Variants in PIK3C2G observed in about 807,000 individuals in gnomAD.
PIK3C2G encodes the protein phosphatidylinositol-4-phosphate 3-kinase catalytic subunit type 2 gamma.
In PIK3C2G, 168 loss-of-function variants were observed where a neutral mutation model predicts 181.1. That is an observed-to-expected ratio of 0.93 (90% CI 0.82 to 1.05). The LOEUF is 1.05. PIK3C2G is among the 50% of genes least tolerant of loss of function. The probability of loss-of-function intolerance (pLI) is 0.00; values close to 1 mark genes in which losing one functional copy is unlikely to be tolerated. For synonymous variants in PIK3C2G, 573 were observed against 592.2 expected (o/e 0.97, Z 0.47); for missense variants, 1,869 against 1,732.8 (o/e 1.08, Z -1.40).
chr12:18,434,000 G>A (rs1946308344), intron 18 of PIK3C2G, among the ~76,000 whole-genome samples: 1 of 152,088 alleles, frequency 6.6e-6, no homozygotes, highest in Non-Finnish European at 1.5e-5. Flanking sequence ...TCATCCATTG[G>A]TGCTGCAGTA....
chr12:18,661,855 G>A, the PIK3C2G span, among the ~76,000 whole-genome samples: 2 of 151,972 alleles, frequency 1.3e-5, no homozygotes, highest in African/African-American at 2.4e-5. Context: ...AAGACAATAG[G>A]AATCAACCTA....
At chr12:18,713,779 A>G in the PIK3C2G span, 2 of 152,206 alleles carry the variant, frequency 1.3e-5, no homozygotes, top group African/African-American at 2.4e-5. Context: ...TGAGGAAACT[A>G]TATTTCTGCT....
chr12:18,595,563 T>G (rs541800109), intron 30 of PIK3C2G, among the ~76,000 whole-genome samples: 4 of 152,134 alleles, frequency 2.6e-5, no homozygotes, highest in Non-Finnish European at 5.9e-5. Flanking sequence ...TAAACATGCC[T>G]TGGGAGAACA....
rs554254330 is a variant in PIK3C2G at position 18,358,233 on chromosome 12, A to G, written c.1626-4531A>G. ...TAACTTTAGGCTGAGTTTATTTACC[A>G]AACTAACATTTGCCAGTTCTGCTTA... On this transcript the variant is annotated intron_variant, in intron 11 of 32. Transcript: ENST00000538779. Among the ~76,000 whole-genome samples the G allele has an allele frequency of 2.1e-4, 32 of 152,348 alleles. No homozygotes were observed. The Middle Eastern group carries it at 0.01, about 49-fold the overall frequency.
chr12:18,325,000 A>G, intron 7 of PIK3C2G, 35 bp from the exon 8 acceptor site: 1 of 1,149,486 alleles, frequency 8.7e-7, no homozygotes, highest in South Asian at 1.4e-5. Flanking sequence ...TTTCCCACCC[A>G]ATTTTAAACA....
the PIK3C2G span, chr12:18,705,430 C>T: frequency 7.7e-7 from 1 of 1,291,644 alleles, no homozygotes; most frequent in Non-Finnish European, 1.1e-6. Flanking sequence ...AGTACCTTTG[C>T]AAAATAACTA....
At chr12:18,504,154 A>T (rs1941680032) in intron 23 of PIK3C2G, among the ~76,000 whole-genome samples, 1 of 152,166 alleles carries the variant, frequency 6.6e-6, no homozygotes, top group South Asian at 2.1e-4. Flanking sequence ...AAACCTGGGT[A>T]AACTGGGATG....
At chr12:18,481,686 C>T (rs895198230) in intron 18 of PIK3C2G, among the ~76,000 whole-genome samples, 2 of 151,930 alleles carry the variant, frequency 1.3e-5, no homozygotes, top group African/African-American at 4.8e-5. Flanking sequence ...CATGCTCATC[C>T]ACAAATGAAA....
chr12:18,492,064 A>G (rs1451695604), intron 20 of PIK3C2G, among the ~76,000 whole-genome samples: 1 of 152,198 alleles, frequency 6.6e-6, no homozygotes, highest in African/African-American at 2.4e-5. Context: ...CCATCTTGGC[A>G]TTGTCAGACT....
chr12:18,498,261 T>C (rs1941171841), intron 22 of PIK3C2G, among the ~76,000 whole-genome samples: 2 of 152,324 alleles, frequency 1.3e-5, no homozygotes, highest in South Asian at 2.1e-4. Context: ...TCAGCATTTC[T>C]TTTCCTTTAT....
the PIK3C2G span, chr12:18,705,082 A>G: frequency 6.6e-7 from 1 of 1,515,698 alleles, no homozygotes; most frequent in African/African-American, 1.4e-5. Flanking sequence ...ATTGGTCTCT[A>G]GCCCAGTTTC....
chr12:18,622,161 A>G (rs1033090319), intron 31 of PIK3C2G, among the ~76,000 whole-genome samples: 3 of 151,830 alleles, frequency 2.0e-5, no homozygotes, highest in Non-Finnish European at 3.0e-5. Flanking sequence ...AAAAATACCC[A>G]TATTTCTCTT....
chr12:18,433,244 G>T (rs1220211111), intron 18 of PIK3C2G, among the ~76,000 whole-genome samples: 9 of 152,140 alleles, frequency 5.9e-5, no homozygotes, highest in African/African-American at 2.2e-4. Context: ...TCCCGGCGTG[G>T]TGGCTCATGC....
At chr12:18,489,938 T>C (rs978238750) in intron 19 of PIK3C2G, among the ~76,000 whole-genome samples, 1 of 152,046 alleles carries the variant, frequency 6.6e-6, no homozygotes, top group African/African-American at 2.4e-5. Flanking sequence ...TTGCCTTGAG[T>C]GGCTGCTTTT....
chr12:18,296,994 A>G (rs1370090915), intron 5 of PIK3C2G, among the ~76,000 whole-genome samples: 1 of 152,118 alleles, frequency 6.6e-6, no homozygotes, highest in Non-Finnish European at 1.5e-5. Context: ...TGGAGCAAGG[A>G]GTCCTTGATA....
chr12:18,343,466 A>AACACAC (rs61320852), intron 10 of PIK3C2G, 106 bp downstream of exon 10: 527 of 495,458 alleles, frequency 1.1e-3, no homozygotes, highest in African/African-American at 6.3e-3. Context: ...GGTAACACAC[A>AACACAC]ACACACACAC....
chr12:18,351,489 T>A (rs1940209082), intron 11 of PIK3C2G, among the ~76,000 whole-genome samples: 3 of 152,150 alleles, frequency 2.0e-5, no homozygotes, highest in South Asian at 4.1e-4. Context: ...ATCATAGTAC[T>A]ATTAACTGAG....
chr12:18,423,419 C>G (rs192521063), intron 17 of PIK3C2G, among the ~76,000 whole-genome samples: 18 of 152,062 alleles, frequency 1.2e-4, no homozygotes, highest in Non-Finnish European at 1.8e-4. Flanking sequence ...AGTTGAGTAT[C>G]CTAAAAAACT....
chr12:18,522,986 GCTCA>G (rs887470120), intron 24 of PIK3C2G, among the ~76,000 whole-genome samples: 1 of 151,780 alleles, frequency 6.6e-6, no homozygotes, highest in African/African-American at 2.4e-5. Context: ...CTGTCTTTGT[GCTCA>G]CTGTTTTTTT....
Sources: allele counts gnomAD v4.1 joint callset (sites outside exome capture counted in the v4.1 genomes callset), GRCh38; gene constraint gnomAD v4.1.1; transcripts MANE v1.5; gene names NCBI Gene and HGNC (gene_info 2026-07-23, HGNC 2026-07-21).